The following RBM6 variants were observed in gnomAD, a reference collection of about 807,000 sequenced individuals.
The protein encoded by RBM6 is RNA-binding protein 6.
RBM6 carries 23 observed loss-of-function variants against 140.4 expected under a neutral mutation model. The ratio of observed to expected loss-of-function variants is 0.16; its 90% CI spans 0.12 to 0.23. RBM6 has a LOEUF of 0.23. Ranked by LOEUF, RBM6 falls within the 10% of genes least tolerant of loss-of-function variation. RBM6 has a pLI of 1.00. For missense variants in RBM6, 1,139 were observed against 1,386.7 expected (o/e 0.82, Z 2.84); for synonymous variants, 439 against 475.6 (o/e 0.92, Z 1.00).
At position 49,965,571 on chromosome 3, in the gene RBM6, G is replaced by GAGGC. The variant is rs1342503730; in HGVS notation, c.45-1895_45-1892dup. On this transcript the variant is annotated intron_variant, in intron 2 of 20. Coordinates refer to ENST00000266022, the MANE Select transcript of RBM6 (RefSeq NM_005777.3). ...TGTAGTCCCAGCCCCTTGGGAAGCT[G>GAGGC]AGGCAGGAGAATGGCGTGAACCCGG... Among the ~76,000 whole-genome samples the GAGGC allele has an allele frequency of 3.3e-5, 5 of 152,226 alleles. No homozygotes were observed. In the East Asian group the frequency reaches 9.7e-4, roughly 29 times the overall value.
At chr3:50,046,469 C>G (rs2089229004) in intron 6 of RBM6, among the ~76,000 whole-genome samples, 1 of 151,214 alleles carries the variant, frequency 6.6e-6, no homozygotes, top group Non-Finnish European at 1.5e-5. Flanking sequence ...ATCCCAGCTA[C>G]TCGGGAGGCT....
In RBM6 at chr3:50,075,312, A is replaced by G. The variant is rs1386577761; in HGVS notation, c.3228A>G (p.Gly1076=). Residue 1076 remains glycine (G), a synonymous_variant, in exon 20 of 21, where the codon GGA becomes GGG. Coordinates refer to ENST00000266022, the MANE Select transcript of RBM6 (RefSeq NM_005777.3). ...KGTGLGYGHP[G]LASSEEAEGR... ...CAGGCCTGGGATATGGCCATCCTGG[A>G]TTGGCTTCATCAGAGGAGGTAAAAT... is the stretch of plus-strand genomic sequence containing the variant. 6 of 1,613,490 alleles carry G rather than the reference A, an allele frequency of 3.7e-6. No homozygotes were observed. The Admixed American group carries it at 5.0e-5, about 13-fold the overall frequency.
intron 6 of RBM6, among the ~76,000 whole-genome samples, chr3:50,025,033 A>G (rs545866811): frequency 1.3e-5 from 2 of 151,540 alleles, no homozygotes; most frequent in South Asian, 4.2e-4. Flanking sequence ...TTTCCAGTCT[A>G]AGAATGTATT....
chr3:49,944,190 T>G (rs573392324), intron 1 of RBM6, among the ~76,000 whole-genome samples: 5 of 152,214 alleles, frequency 3.3e-5, no homozygotes, highest in Non-Finnish European at 7.3e-5. Flanking sequence ...CCATTCTGCT[T>G]TCTGTCTCTA....
At chr3:50,056,986 C>T (rs541741051) in intron 8 of RBM6, among the ~76,000 whole-genome samples, 2 of 152,226 alleles carry the variant, frequency 1.3e-5, no homozygotes, top group East Asian at 3.9e-4. Flanking sequence ...CTGGAAGAAG[C>T]AAGGCTTCTA....
intron 2 of RBM6, among the ~76,000 whole-genome samples, chr3:49,964,353 A>G (rs2084412199): frequency 1.3e-5 from 2 of 152,260 alleles, no homozygotes; most frequent in Non-Finnish European, 2.9e-5. Context: ...CTAGTATTTC[A>G]TAAATGCTGA....
chr3:49,959,225 G>T (rs2084163031), intron 1 of RBM6, among the ~76,000 whole-genome samples: 1 of 124,892 alleles, frequency 8.0e-6, no homozygotes, highest in South Asian at 2.4e-4. Flanking sequence ...GTCTCGCTCT[G>T]TCGCCCAGGC....
chr3:50,030,375 A>C (rs377406406), intron 6 of RBM6, among the ~76,000 whole-genome samples: 1 of 151,736 alleles, frequency 6.6e-6, no homozygotes, highest in South Asian at 2.1e-4. Context: ...AGGGAGAATA[A>C]TTGGTTGGAT....
intron 6 of RBM6, among the ~76,000 whole-genome samples, chr3:50,026,827 G>C (rs769468494): frequency 1.2e-4 from 18 of 146,790 alleles, no homozygotes; most frequent in Non-Finnish European, 2.4e-4. Context: ...GTGGGAGATT[G>C]TACCTGGGAG....
chr3:50,061,901 C>T, intron 14 of RBM6, 61 bp from the exon 15 acceptor site: 1 of 1,579,294 alleles, frequency 6.3e-7, no homozygotes, highest in Non-Finnish European at 8.6e-7. Flanking sequence ...GCGCCTTAGA[C>T]CTGGAATTGC....
intron 6 of RBM6, among the ~76,000 whole-genome samples, chr3:50,018,609 T>C (rs966832669): frequency 1.5e-5 from 2 of 137,380 alleles, no homozygotes; most frequent in Admixed American, 1.5e-4. Context: ...TTTTTTTTTT[T>C]TTGACACGGA....
intron 1 of RBM6, 84 bp from the exon 2 acceptor site, chr3:49,962,492 C>A: frequency 1.5e-6 from 1 of 649,524 alleles, no homozygotes; most frequent in Non-Finnish European, 2.7e-6. Flanking sequence ...CTGATGTGGT[C>A]CCTCATAAAC....
At chr3:50,048,146 A>G in intron 6 of RBM6, 99 bp from the exon 7 acceptor site, 1 of 1,515,784 alleles carries the variant, frequency 6.6e-7, no homozygotes, top group South Asian at 1.3e-5. Context: ...TCTTTATAAA[A>G]TGTTTCAGCT....
intron 6 of RBM6, among the ~76,000 whole-genome samples, chr3:50,041,708 A>G (rs2088930827): frequency 6.6e-6 from 1 of 152,184 alleles, no homozygotes. Context: ...CACAGCACCT[A>G]AAGCAATTGT....
intron 6 of RBM6, chr3:50,047,464 G>A: frequency 2.0e-6 from 1 of 489,654 alleles, no homozygotes; most frequent in Non-Finnish European, 2.7e-6. Context: ...TTCATGACTT[G>A]TCCAAAATGG....
At chr3:50,022,682 T>A (rs2087564813) in intron 6 of RBM6, among the ~76,000 whole-genome samples, 1 of 152,164 alleles carries the variant, frequency 6.6e-6, no homozygotes, top group Admixed American at 6.5e-5. Flanking sequence ...AGTTTTACAT[T>A]TGATTATTAG....
chr3:50,015,140 T>C (rs2087058525), intron 6 of RBM6, among the ~76,000 whole-genome samples: 1 of 150,658 alleles, frequency 6.6e-6, no homozygotes, highest in Non-Finnish European at 1.5e-5. Context: ...AGAGTCACGC[T>C]CTGTCACCCA....
chr3:50,064,288 G>T (rs1392335175), intron 15 of RBM6, among the ~76,000 whole-genome samples: 1 of 151,912 alleles, frequency 6.6e-6, no homozygotes, highest in Non-Finnish European at 1.5e-5. Context: ...AGGAGAGAGA[G>T]TGTGTGTGTG....
At chr3:50,054,509 T>C (rs184156467) in intron 8 of RBM6, 114 bp downstream of exon 8, 19,236 of 236,956 alleles carry the variant, frequency 0.081, 151 homozygotes, top group Middle Eastern at 0.16. Context: ...TCTACAAACC[T>C]TTTTTTTTTT....
Sources: gnomAD v4.1 joint callset for allele counts (sites outside exome capture counted in the v4.1 genomes callset) on GRCh38, gnomAD v4.1.1 for gene constraint, MANE v1.5 for transcripts, NCBI Gene and HGNC (gene_info 2026-07-23, HGNC 2026-07-21) for gene names.